Variants in GPHN observed in about 807,000 individuals in gnomAD.
The protein encoded by GPHN is gephyrin.
Under a neutral mutation model 95.5 loss-of-function variants are expected in GPHN, and 17 were observed. The ratio of observed to expected loss-of-function variants is 0.18; its 90% CI spans 0.12 to 0.27. The LOEUF (loss-of-function observed/expected upper bound fraction) is 0.27. GPHN is among the 10% of genes least tolerant of loss of function. The probability of loss-of-function intolerance (pLI) is 1.00; values close to 1 mark genes in which losing one functional copy is unlikely to be tolerated. For synonymous variants in GPHN, 320 were observed against 322.5 expected (o/e 0.99, Z 0.08); for missense variants, 660 against 978.1 (o/e 0.67, Z 4.34).
At chr14:66,538,665 C>T (rs1269191149) in intron 1 of GPHN, among the ~76,000 whole-genome samples, 2 of 150,616 alleles carry the variant, frequency 1.3e-5, no homozygotes, top group African/African-American at 4.9e-5. Flanking sequence ...CATTTTTTTT[C>T]CTTCCCTTTC....
At chr14:66,725,569 C>T (rs961393108) in intron 2 of GPHN, among the ~76,000 whole-genome samples, 7 of 152,106 alleles carry the variant, frequency 4.6e-5, no homozygotes, top group Admixed American at 2.0e-4. Flanking sequence ...CTGAAACCTC[C>T]GCCTCCTGGG....
chr14:66,519,622 G>T (rs2058392606), intron 1 of GPHN, among the ~76,000 whole-genome samples: 1 of 152,062 alleles, frequency 6.6e-6, no homozygotes, highest in Admixed American at 6.5e-5. Flanking sequence ...GTTTCCCACA[G>T]TTTCTGTTTA....
intron 2 of GPHN, among the ~76,000 whole-genome samples, chr14:66,762,435 C>G (rs1053920774): frequency 3.9e-5 from 6 of 151,952 alleles, no homozygotes; most frequent in African/African-American, 1.5e-4. Context: ...TGGTCGATAT[C>G]TTTAATGATA....
At chr14:66,537,114 G>A (rs187606798) in intron 1 of GPHN, among the ~76,000 whole-genome samples, 2 of 151,654 alleles carry the variant, frequency 1.3e-5, no homozygotes, top group Non-Finnish European at 2.9e-5. Context: ...TTTTAGTTCA[G>A]CCAATCTATA....
the GPHN span, chr14:67,271,388 T>G: frequency 1.3e-5 from 2 of 152,248 alleles, no homozygotes; most frequent in South Asian, 4.1e-4. Context: ...TGAAGCCTTC[T>G]GTTGTTTGGC....
At chr14:67,303,158 T>C in the GPHN span, among the ~76,000 whole-genome samples, 9 of 152,218 alleles carry the variant, frequency 5.9e-5, no homozygotes, top group Non-Finnish European at 8.8e-5. Context: ...ATTTCCATCA[T>C]TGGAGAAAGT....
the GPHN span, chr14:67,650,646 C>A: frequency 1.4e-6 from 2 of 1,432,760 alleles, no homozygotes; most frequent in Non-Finnish European, 2.0e-6. Context: ...CTCCCTGTCC[C>A]AGTGGGATGA....
chr14:66,695,018 G>C (rs1281438597), intron 2 of GPHN, among the ~76,000 whole-genome samples: 1 of 152,026 alleles, frequency 6.6e-6, no homozygotes. Context: ...AATTAGCCAT[G>C]CGCGGTGGTG....
At chr14:67,730,435 C>T in the GPHN span, among the ~76,000 whole-genome samples, 1 of 152,178 alleles carries the variant, frequency 6.6e-6, no homozygotes, top group South Asian at 2.1e-4. Flanking sequence ...ATTCGGAGTC[C>T]GGAATATTTC....
intron 2 of GPHN, among the ~76,000 whole-genome samples, chr14:66,720,260 G>A (rs2070612846): frequency 6.6e-6 from 1 of 152,150 alleles, no homozygotes; most frequent in African/African-American, 2.4e-5. Context: ...CAAATTTAAA[G>A]TAGTTGGTTT....
the GPHN span, among the ~76,000 whole-genome samples, chr14:67,411,232 A>G: frequency 6.6e-6 from 1 of 151,998 alleles, no homozygotes; most frequent in East Asian, 1.9e-4. Flanking sequence ...TTCTACCATA[A>G]TCCCAGGCAC....
chr14:67,416,432 T>C, the GPHN span, among the ~76,000 whole-genome samples: 1 of 152,050 alleles, frequency 6.6e-6, no homozygotes, highest in Non-Finnish European at 1.5e-5. Context: ...AAGGAGGGCG[T>C]GTGGGGTCCC....
At chr14:67,508,333 TC>T in the GPHN span, among the ~76,000 whole-genome samples, 1 of 152,016 alleles carries the variant, frequency 6.6e-6, no homozygotes, top group Non-Finnish European at 1.5e-5. Context: ...TCAGCCTTTC[TC>T]AGGAAAGGCT....
At chr14:66,649,508 C>T (rs1301013496) in intron 1 of GPHN, among the ~76,000 whole-genome samples, 1 of 152,160 alleles carries the variant, frequency 6.6e-6, no homozygotes, top group African/African-American at 2.4e-5. Flanking sequence ...CACCTGAGCC[C>T]TGCCTTCTGT....
the GPHN span, chr14:67,397,586 A>C: frequency 6.2e-6 from 8 of 1,286,900 alleles, no homozygotes; most frequent in Admixed American, 4.5e-5. Flanking sequence ...TCCTACCCAC[A>C]CCACTTTCCC....
chr14:67,124,008 AT>A (rs111750661), intron 17 of GPHN, among the ~76,000 whole-genome samples: 8 of 151,470 alleles, frequency 5.3e-5, no homozygotes, highest in Admixed American at 2.6e-4. Flanking sequence ...TTTCCTCCTG[AT>A]TTTTTTTTCT....
chr14:67,696,651 G>A, the GPHN span, among the ~76,000 whole-genome samples: 7 of 152,262 alleles, frequency 4.6e-5, no homozygotes, highest in East Asian at 1.2e-3. Context: ...TTGCCAACTC[G>A]TGAAAGTATT....
chr14:66,520,580 G>A (rs2058437788), intron 1 of GPHN, among the ~76,000 whole-genome samples: 1 of 152,058 alleles, frequency 6.6e-6, no homozygotes, highest in Non-Finnish European at 1.5e-5. Context: ...TGAGTATGTT[G>A]CAGGCTGACT....
the GPHN span, among the ~76,000 whole-genome samples, chr14:67,681,017 T>C: frequency 6.6e-6 from 1 of 152,182 alleles, no homozygotes; most frequent in Non-Finnish European, 1.5e-5. Context: ...CCAATTGTGT[T>C]CCCCCAAAAT....
Sources: gnomAD v4.1 joint callset for allele counts (sites outside exome capture counted in the v4.1 genomes callset) on GRCh38, gnomAD v4.1.1 for gene constraint, MANE v1.5 for transcripts, NCBI Gene and HGNC (gene_info 2026-07-23, HGNC 2026-07-21) for gene names.